The following SLC24A3 variants were observed in gnomAD, a reference collection of about 807,000 sequenced individuals.
SLC24A3 encodes sodium/potassium/calcium exchanger 3.
Under a neutral mutation model 75.8 loss-of-function variants are expected in SLC24A3, and 28 were observed. That is an observed-to-expected ratio of 0.37 (90% CI 0.27 to 0.51). The LOEUF (loss-of-function observed/expected upper bound fraction) is 0.51. SLC24A3 is among the 20% of genes least tolerant of loss of function. The pLI, the probability that SLC24A3 is intolerant of heterozygous loss-of-function variation, is 0.94. For synonymous variants in SLC24A3, 372 were observed against 334.1 expected (o/e 1.11, Z -1.24); for missense variants, 663 against 847.8 (o/e 0.78, Z 2.71).
intron 12 of SLC24A3, among the ~76,000 whole-genome samples, chr20:19,690,018 G>T (rs1200557457): frequency 3.8e-5 from 4 of 103,904 alleles, no homozygotes; most frequent in African/African-American, 1.5e-4. Context: ...ACAAAAGAGT[G>T]AGACTCTGTC....
chr20:19,617,350 T>G (rs910414171), intron 6 of SLC24A3, among the ~76,000 whole-genome samples: 1 of 152,128 alleles, frequency 6.6e-6, no homozygotes, highest in Non-Finnish European at 1.5e-5. Context: ...CACCTCTGAG[T>G]GTCACCTGGA....
At chr20:19,229,997 A>G (rs1037366579) in intron 1 of SLC24A3, among the ~76,000 whole-genome samples, 2 of 150,588 alleles carry the variant, frequency 1.3e-5, no homozygotes, top group African/African-American at 2.4e-5. Context: ...CATATATCCT[A>G]TGTTTATTTG....
intron 2 of SLC24A3, among the ~76,000 whole-genome samples, chr20:19,346,343 TGGTATATATATGGTGTATATATATG>T: frequency 1.6e-5 from 1 of 60,906 alleles, no homozygotes; most frequent in Admixed American, 1.8e-4. Flanking sequence ...TATATATATA[TGGTATATATATGGTGTATATATATG>T]TGGTGTATAT....
At chr20:19,581,908 G>A (rs964636706) in intron 4 of SLC24A3, among the ~76,000 whole-genome samples, 2 of 152,188 alleles carry the variant, frequency 1.3e-5, no homozygotes, top group African/African-American at 4.8e-5. Context: ...GGGCACAGAA[G>A]AGCAACCACA....
At chr20:19,236,901 G>A (rs1224340426) in intron 1 of SLC24A3, among the ~76,000 whole-genome samples, 1 of 152,200 alleles carries the variant, frequency 6.6e-6, no homozygotes, top group African/African-American at 2.4e-5. Context: ...CTTGGGGATG[G>A]TGGCTCATGT....
At chr20:19,696,513 C>T in intron 13 of SLC24A3, 1 of 329,388 alleles carries the variant, frequency 3.0e-6, no homozygotes, top group Non-Finnish European at 5.6e-6. Context: ...CCCAGAAATT[C>T]TATTTTCTCT....
chr20:19,592,707 C>T (rs559212277), intron 6 of SLC24A3, among the ~76,000 whole-genome samples: 1 of 152,142 alleles, frequency 6.6e-6, no homozygotes, highest in East Asian at 1.9e-4. Context: ...AAACTCACTT[C>T]CAAGGAGCAC....
chr20:19,562,561 AATT>A, intron 3 of SLC24A3, among the ~76,000 whole-genome samples: 1 of 152,354 alleles, frequency 6.6e-6, no homozygotes, highest in East Asian at 1.9e-4. Flanking sequence ...ATCATATGGT[AATT>A]ATTTTAATGG....
At chr20:19,491,801 G>A (rs936386414) in intron 2 of SLC24A3, among the ~76,000 whole-genome samples, 2 of 152,136 alleles carry the variant, frequency 1.3e-5, no homozygotes, top group Admixed American at 6.5e-5. Context: ...AACACTGCCC[G>A]GGAAGGCTTC....
At chr20:19,709,449 C>T (rs1397896322) in intron 15 of SLC24A3, among the ~76,000 whole-genome samples, 2 of 152,030 alleles carry the variant, frequency 1.3e-5, no homozygotes, top group African/African-American at 2.4e-5. Context: ...TGGTGAAACC[C>T]TGTCCCTACT....
chr20:19,693,605 G>T (rs2032772338), intron 13 of SLC24A3, 180 bp downstream of exon 13: 3 of 705,990 alleles, frequency 4.2e-6, no homozygotes, highest in Non-Finnish European at 6.5e-6. Context: ...CTGCTCACAC[G>T]TCTTCATGTT....
At chr20:19,441,608 G>A (rs571863503) in intron 2 of SLC24A3, among the ~76,000 whole-genome samples, 3 of 152,128 alleles carry the variant, frequency 2.0e-5, no homozygotes, top group Admixed American at 1.3e-4. Flanking sequence ...ATCTACCCCC[G>A]TTTTCCCTGT....
chr20:19,219,455 G>A (rs1306752065), intron 1 of SLC24A3, among the ~76,000 whole-genome samples: 1 of 152,168 alleles, frequency 6.6e-6, no homozygotes, highest in African/African-American at 2.4e-5. Context: ...GGGACACCGT[G>A]ATGTTCATCC....
At chr20:19,479,209 T>C (rs1988010363) in intron 2 of SLC24A3, among the ~76,000 whole-genome samples, 5 of 152,250 alleles carry the variant, frequency 3.3e-5, no homozygotes, top group Admixed American at 2.0e-4. Context: ...GCTTCCTTCC[T>C]GCCAATGTCC....
chr20:19,273,716 A>G (rs942343854), intron 1 of SLC24A3, among the ~76,000 whole-genome samples: 16 of 152,014 alleles, frequency 1.1e-4, no homozygotes, highest in African/African-American at 3.9e-4. Flanking sequence ...GACTCCATCC[A>G]GAAGACAGAA....
At chr20:19,365,406 G>A (rs954180530) in intron 2 of SLC24A3, among the ~76,000 whole-genome samples, 2 of 152,176 alleles carry the variant, frequency 1.3e-5, no homozygotes, top group Non-Finnish European at 1.5e-5. Flanking sequence ...GAGGAACCAC[G>A]ATAGCTCCTG....
intron 6 of SLC24A3, among the ~76,000 whole-genome samples, chr20:19,629,068 T>C (rs1180422541): frequency 6.6e-6 from 1 of 151,878 alleles, no homozygotes; most frequent in Non-Finnish European, 1.5e-5. Context: ...GAAATAAAGA[T>C]TTATGAATTA....
chr20:19,219,765 G>A (rs1981656563), intron 1 of SLC24A3, among the ~76,000 whole-genome samples: 1 of 152,142 alleles, frequency 6.6e-6, no homozygotes, highest in Non-Finnish European at 1.5e-5. Context: ...TAAAAATAAT[G>A]AAATACCATT....
At chr20:19,538,582 C>A (rs929058433) in intron 3 of SLC24A3, among the ~76,000 whole-genome samples, 23 of 152,176 alleles carry the variant, frequency 1.5e-4, no homozygotes, top group African/African-American at 5.3e-4. Flanking sequence ...TACCACTATA[C>A]ACCCACCAAC....
Sources: gnomAD v4.1 joint callset for allele counts (sites outside exome capture counted in the v4.1 genomes callset) on GRCh38, gnomAD v4.1.1 for gene constraint, MANE v1.5 for transcripts, NCBI Gene and HGNC (gene_info 2026-07-23, HGNC 2026-07-21) for gene names.